ARHGEF18: variants seen among roughly 807,000 people sequenced by gnomAD.
The protein encoded by ARHGEF18 is rho guanine nucleotide exchange factor 18.
ARHGEF18 carries 93 observed loss-of-function variants against 155.7 expected under a neutral mutation model. The ratio of observed to expected loss-of-function variants is 0.60; its 90% CI spans 0.50 to 0.71. The LOEUF (loss-of-function observed/expected upper bound fraction) is 0.71, where lower values mean the gene tolerates loss of function less well. ARHGEF18 is among the 30% of genes least tolerant of loss of function. ARHGEF18 has a pLI of 0.00. For missense variants in ARHGEF18, 1,593 were observed against 1,816.1 expected (o/e 0.88, Z 2.23); for synonymous variants, 742 against 753.1 (o/e 0.99, Z 0.24).
Position 7,383,087 on chromosome 19 carries a change from A to T in ARHGEF18, c.851A>T (p.Asp284Val). ...EKGKSPAHLK[D>V]KGQDARERRE... is the part of the protein sequence containing the mutation. ...GGGAAGAGCCCAGCACATCTGAAGG[A>T]CAAGGGCCAGGATGCACGAGAGAGG... The change falls in exon 10 of 29, where the codon GAC becomes GTC. Residue 284 changes from aspartate to valine, a missense_variant. Asp to Val is a radical substitution (Grantham distance 152). Transcript: ENST00000668164. 3 of 1,232,410 alleles carry T rather than the reference A, an allele frequency of 2.4e-6. No individual in the cohort carries two copies. The highest frequency in any genetic ancestry group is 3.0e-6 in the Non-Finnish European group (3 of 988,182). 76.3% of individuals were successfully genotyped at this position (1,232,410 alleles called of 1,614,324 possible).
chr19:7,460,915 A>G (rs1976202558), intron 20 of ARHGEF18, among the ~76,000 whole-genome samples: 1 of 151,108 alleles, frequency 6.6e-6, no homozygotes, highest in African/African-American at 2.4e-5. Flanking sequence ...CAGCCTCCCG[A>G]GTAGCTGGGA....
chr19:7,428,942 AG>A (rs1245447660), intron 10 of ARHGEF18, among the ~76,000 whole-genome samples: 2 of 152,152 alleles, frequency 1.3e-5, no homozygotes, highest in African/African-American at 2.4e-5. Flanking sequence ...CCTTGCTCCC[AG>A]GGAGGTCAAG....
At position 7,355,686 on chromosome 19, in the gene ARHGEF18, G is replaced by A. The variant is rs1172142655; in HGVS notation, c.-111+6445G>A. The A allele has an allele frequency of 1.4e-5, 14 of 985,342 alleles. No individual in the cohort carries two copies. The East Asian group carries it at 3.4e-4, about 24-fold the overall frequency. The allele number at this position is 985,342 out of a possible 1,614,324, so 61.0% of individuals were successfully genotyped here. On this transcript the variant is annotated intron_variant, in intron 1 of 28. Transcript: ENST00000668164. ...GCCTTCTCCAAGCTGTGGCTGAAGCGGTGGGCCTTCAAGAGAGGTAAGCAG... is the reference window on the plus strand; with the variant it reads ...GCCTTCTCCAAGCTGTGGCTGAAGCAGTGGGCCTTCAAGAGAGGTAAGCAG...
chr19:7,398,558 G>C (rs1971852069), intron 10 of ARHGEF18, among the ~76,000 whole-genome samples: 1 of 151,794 alleles, frequency 6.6e-6, no homozygotes, highest in East Asian at 2.0e-4. Flanking sequence ...GGGCGTGGTG[G>C]CCTGCGCCTG....
Position 7,362,874 on chromosome 19 carries a change from C to T in ARHGEF18, c.-17C>T. 8.1e-7 allele frequency: 1 copy of T among 1,234,322 alleles called. No individual in the cohort carries two copies. The highest frequency in any genetic ancestry group is 1.0e-6 in the Non-Finnish European group (1 of 988,184). The allele number at this position is 1,234,322 out of a possible 1,614,324, so 76.5% of individuals were successfully genotyped here. ...AGTGGATCCTGGAAACCTGAGAACC[C>T]AGACTTCTTCTCTGCCATGGGGGAT... is the stretch of plus-strand genomic sequence containing the variant. On this transcript the variant is annotated 5_prime_UTR_variant, in exon 2 of 29. Coordinates refer to ENST00000668164, the MANE Select transcript of ARHGEF18 (RefSeq NM_001367823.1).
intron 1 of ARHGEF18, among the ~76,000 whole-genome samples, chr19:7,360,314 C>T (rs1280205422): frequency 7.2e-5 from 11 of 151,858 alleles, no homozygotes; most frequent in Admixed American, 7.2e-4. Context: ...CAGTTCACTG[C>T]ATCCTGCCCT....
chr19:7,351,702 CTCT>C (rs1419685314), intron 1 of ARHGEF18, among the ~76,000 whole-genome samples: 38 of 6,330 alleles, frequency 6.0e-3, no homozygotes, highest in South Asian at 0.02. Context: ...CTCTCTCTCT[CTCT>C]TTTTTTTTTT....
the ARHGEF18 span, chr19:7,478,188 G>A: frequency 9.9e-7 from 1 of 1,006,158 alleles, no homozygotes; most frequent in Non-Finnish European, 1.5e-6. Flanking sequence ...CAGAGGCTGT[G>A]ATGACTCCCC....
rs755001024 is a variant in ARHGEF18 at position 7,447,110 on chromosome 19, C to G, written c.1679C>G (p.Ala560Gly). The stretch of plus-strand genomic sequence containing the variant: ...GTGTTTTGTAGTGGCCACAATGAAG[C>G]TGTTAGTCATTACAAGTTGCTGCTT... ...YGVFCSGHNE[A>G]VSHYKLLLQQ... The change falls in exon 15 of 29, where the codon GCT becomes GGT. Residue 560 changes from alanine to glycine, a missense_variant. By Grantham distance (60) the Ala-to-Gly change is moderately conservative. Coordinates refer to ENST00000668164, the MANE Select transcript of ARHGEF18 (RefSeq NM_001367823.1). 19 of 1,613,666 alleles carry G rather than the reference C, an allele frequency of 1.2e-5. No homozygotes were observed. Among genetic ancestry groups the G allele is most frequent in the Non-Finnish European group, 1.6e-5 (19 of 1,179,866 alleles).
downstream of ARHGEF18, chr19:7,477,051 G>A (rs1292626021): frequency 1.9e-5 from 12 of 633,886 alleles, no homozygotes; most frequent in Non-Finnish European, 2.6e-5. Flanking sequence ...TGAGGCCTGG[G>A]GGACCTCGCA....
chr19:7,432,355 A>C (rs941902608), intron 10 of ARHGEF18, among the ~76,000 whole-genome samples: 1 of 152,212 alleles, frequency 6.6e-6, no homozygotes, highest in Non-Finnish European at 1.5e-5. Flanking sequence ...CTTGGCTGAA[A>C]CAAAGAACAG....
Position 7,395,442 on chromosome 19 carries a change from G to A in ARHGEF18, c.967+12239G>A, listed in dbSNP as rs1344533771. 1.3e-5 allele frequency among the ~76,000 whole-genome samples: 2 copies of A among 152,110 alleles called. No homozygotes were observed. On this transcript the variant is annotated intron_variant, in intron 10 of 28. Transcript: ENST00000668164. This position sits in a 1 kb window ranked among gnomAD's most constrained non-coding sequence, Gnocchi z 5.0. Reference sequence around the variant, plus strand: ...CCTTCAATGCATGGAGGCTCTAGGCGGCGATTGCAGGGTGCAGAGGTGCAG... The same window carrying A: ...CCTTCAATGCATGGAGGCTCTAGGCAGCGATTGCAGGGTGCAGAGGTGCAG...
chr19:7,414,403 G>A (rs866218063), intron 10 of ARHGEF18, among the ~76,000 whole-genome samples: 2 of 152,152 alleles, frequency 1.3e-5, no homozygotes, highest in Admixed American at 6.5e-5. Context: ...AGGGCCAGGC[G>A]CGGTGGCTGA....
intron 10 of ARHGEF18, among the ~76,000 whole-genome samples, chr19:7,409,129 G>A (rs113221301): frequency 4.9e-5 from 7 of 141,546 alleles, no homozygotes; most frequent in South Asian, 2.2e-4. Context: ...GCGTGTTCTC[G>A]GCTCACTGCA....
chr19:7,456,756 A>T (rs1018842646), intron 18 of ARHGEF18, among the ~76,000 whole-genome samples: 1 of 151,768 alleles, frequency 6.6e-6, no homozygotes, highest in Non-Finnish European at 1.5e-5. Flanking sequence ...AAAAAAACAA[A>T]ACAAACAAAC....
At chr19:7,460,754 C>T (rs1008856089) in intron 20 of ARHGEF18, among the ~76,000 whole-genome samples, 1 of 152,006 alleles carries the variant, frequency 6.6e-6, no homozygotes, top group Non-Finnish European at 1.5e-5. Context: ...GGCAAGCTCC[C>T]TTCTTCCCTT....
intron 18 of ARHGEF18, among the ~76,000 whole-genome samples, chr19:7,456,996 A>G (rs1431412487): frequency 6.6e-6 from 1 of 152,150 alleles, no homozygotes; most frequent in Non-Finnish European, 1.5e-5. Context: ...TTGGCCTCCC[A>G]AAGTGATGGG....
chr19:7,457,195 C>T (rs932005570), intron 18 of ARHGEF18, among the ~76,000 whole-genome samples: 1 of 152,006 alleles, frequency 6.6e-6, no homozygotes, highest in African/African-American at 2.4e-5. Flanking sequence ...TCTGAGGCCC[C>T]TTGGCTTGTA....
intron 10 of ARHGEF18, among the ~76,000 whole-genome samples, chr19:7,423,133 C>T (rs2145686054): frequency 6.6e-6 from 1 of 152,254 alleles, no homozygotes; most frequent in South Asian, 2.1e-4. Context: ...AGCTAAGCCC[C>T]AGTTCCTCCT....
Sources: gnomAD v4.1 joint callset for allele counts (sites outside exome capture counted in the v4.1 genomes callset) on GRCh38, gnomAD v4.1.1 for gene constraint, Gnocchi (gnomAD v3.1) non-coding constraint, MANE v1.5 for transcripts, NCBI Gene and HGNC (gene_info 2026-07-23, HGNC 2026-07-21) for gene names.